Variants in KANSL1L observed in about 807,000 individuals in gnomAD.
KANSL1L encodes the protein KAT8 regulatory NSL complex subunit 1 like.
A neutral mutation model predicts 108.6 loss-of-function variants in KANSL1L; 25 were observed. That is an observed-to-expected ratio of 0.23 (90% CI 0.17 to 0.32). The LOEUF is 0.32. Among genes scored for constraint, KANSL1L ranks in the 10% least tolerant of loss-of-function variants. The probability of loss-of-function intolerance (pLI) is 1.00; values close to 1 mark genes in which losing one functional copy is unlikely to be tolerated. For missense variants in KANSL1L, 1,137 were observed against 1,125.7 expected, an observed-to-expected ratio of 1.01 and a Z score of -0.14; for synonymous variants, 405 against 395.1, an observed-to-expected ratio of 1.03 and a Z score of -0.30.
chr2:210,122,315 A>C (rs532656937), intron 3 of KANSL1L, among the ~76,000 whole-genome samples: 3 of 152,264 alleles, frequency 2.0e-5, no homozygotes, highest in African/African-American at 7.2e-5. Context: ...AAAACGGCAC[A>C]GTACTGGCAT....
chr2:210,119,022 A>G (rs1420601401), intron 3 of KANSL1L, among the ~76,000 whole-genome samples: 1 of 151,858 alleles, frequency 6.6e-6, no homozygotes, highest in Non-Finnish European at 1.5e-5. Context: ...TGTCTCTACT[A>G]AAAATACAAA....
At chr2:210,068,382 G>A (rs1165799043) in intron 6 of KANSL1L, among the ~76,000 whole-genome samples, 1 of 151,854 alleles carries the variant, frequency 6.6e-6, no homozygotes, top group Admixed American at 6.6e-5. Context: ...CACACACAGA[G>A]AATGCAAATC....
intron 1 of KANSL1L, among the ~76,000 whole-genome samples, chr2:210,169,241 G>T (rs1688182346): frequency 6.6e-6 from 1 of 152,134 alleles, no homozygotes; most frequent in South Asian, 2.1e-4. Context: ...AAAGGTTTAT[G>T]TAAAAGGATA....
At chr2:210,142,166 A>C (rs572122879) in intron 2 of KANSL1L, among the ~76,000 whole-genome samples, 4 of 151,698 alleles carry the variant, frequency 2.6e-5, no homozygotes, top group African/African-American at 7.3e-5. Flanking sequence ...GGACTTTATT[A>C]CTGTTTTAAT....
intron 3 of KANSL1L, 78 bp downstream of exon 3, chr2:210,128,953 T>C (rs1051646301): frequency 8.5e-7 from 1 of 1,173,792 alleles, no homozygotes; most frequent in East Asian, 2.5e-5. Flanking sequence ...TTGTAACAAT[T>C]ATTTTTGTGA....
At chr2:210,169,163 A>G (rs949916596) in intron 1 of KANSL1L, among the ~76,000 whole-genome samples, 1 of 152,048 alleles carries the variant, frequency 6.6e-6, no homozygotes, top group South Asian at 2.1e-4. Flanking sequence ...ACACACACAA[A>G]CAAACAACAA....
rs761844798 is a variant in KANSL1L, at chr2:210,024,065, A to G, written c.2701T>C (p.Leu901=). Reference sequence around the variant, plus strand: ...TCTTGACTTTGATTTAAAGAAGGTAAGCCATATGCACACAGATCCTGGTTC... The same window carrying G: ...TCTTGACTTTGATTTAAAGAAGGTAGGCCATATGCACACAGATCCTGGTTC... The part of the protein sequence containing the change: ...SENQDLCAYG[L]PSLNQSQETK... The change falls in exon 14 of 15, where the codon TTA becomes CTA. Residue 901 remains leucine (L), a synonymous_variant. Transcript: ENST00000281772. The G allele has an allele frequency of 6.3e-7, 1 of 1,591,642 alleles. No homozygotes were observed. The highest frequency in any genetic ancestry group is 1.4e-5 in the African/African-American group (1 of 73,794).
intron 8 of KANSL1L, among the ~76,000 whole-genome samples, chr2:210,039,626 T>C (rs1233439203): frequency 2.6e-5 from 4 of 151,880 alleles, no homozygotes; most frequent in African/African-American, 9.7e-5. Context: ...TGTTGTTTTC[T>C]TTCTTCTTCT....
intron 6 of KANSL1L, among the ~76,000 whole-genome samples, chr2:210,070,221 G>GTT (rs2094496811): frequency 1.4e-5 from 1 of 70,650 alleles, no homozygotes; most frequent in Admixed American, 1.7e-4. Context: ...CTCTTTCTCC[G>GTT]TTCTTTTTTT....
chr2:210,122,615 G>T (rs2095031782), intron 3 of KANSL1L, among the ~76,000 whole-genome samples: 2 of 152,080 alleles, frequency 1.3e-5, no homozygotes, highest in South Asian at 2.1e-4. Flanking sequence ...ACATTGGACT[G>T]GGCAAAGATT....
In KANSL1L at chr2:210,153,577, C is replaced by T. The variant is rs1057429294; in HGVS notation, c.1006G>A (p.Glu336Lys). Reference sequence around the variant, plus strand: ...GTTGCATCGGAATCCAAACCCTCTTCAACATGAGACAACAGCCCTGTAGCA... The same window carrying T: ...GTTGCATCGGAATCCAAACCCTCTTTAACATGAGACAACAGCCCTGTAGCA... Reference protein sequence around the residue: ...FSATGLLSHVEEGLDSDATDS... With the variant: ...FSATGLLSHVKEGLDSDATDS... The change falls in exon 2 of 15, where the codon GAA (glutamate) becomes AAA (lysine). Residue 336 changes from glutamate to lysine, a missense_variant. Coordinates refer to ENST00000281772, the MANE Select transcript of KANSL1L (RefSeq NM_152519.4). 1.2e-6 allele frequency: 2 copies of T among 1,614,002 alleles called. No individual in the cohort carries two copies. Among genetic ancestry groups the T allele is most frequent in the African/African-American group, 2.7e-5 (2 of 74,910 alleles).
At chr2:210,116,180 G>T (rs1217081204) in intron 3 of KANSL1L, among the ~76,000 whole-genome samples, 1 of 152,206 alleles carries the variant, frequency 6.6e-6, no homozygotes, top group Non-Finnish European at 1.5e-5. Context: ...GGCAGTGGTG[G>T]CCATGGGAAG....
At chr2:210,032,047 A>T (rs916248309) in intron 8 of KANSL1L, 1 of 152,382 alleles carries the variant, frequency 6.6e-6, no homozygotes, top group African/African-American at 2.4e-5. Flanking sequence ...AGTAGTAAGT[A>T]AAAGTGTCTG....
chr2:210,161,363 T>C (rs905241074), intron 1 of KANSL1L, among the ~76,000 whole-genome samples: 1 of 152,020 alleles, frequency 6.6e-6, no homozygotes, highest in Non-Finnish European at 1.5e-5. Context: ...TCTAAACTAA[T>C]TGGACATCCA....
chr2:210,082,470 A>G (rs974227047), intron 5 of KANSL1L, among the ~76,000 whole-genome samples: 2 of 152,230 alleles, frequency 1.3e-5, no homozygotes, highest in Admixed American at 1.3e-4. Context: ...AAAAGCCAGG[A>G]ATTACTCATA....
At chr2:210,120,358 C>T (rs536987441) in intron 3 of KANSL1L, among the ~76,000 whole-genome samples, 5 of 152,298 alleles carry the variant, frequency 3.3e-5, no homozygotes, top group Non-Finnish European at 4.4e-5. Context: ...CGCCACTGTA[C>T]TCCAGCTTGG....
chr2:210,035,548 C>T (rs2094090223), intron 8 of KANSL1L, among the ~76,000 whole-genome samples: 1 of 152,106 alleles, frequency 6.6e-6, no homozygotes, highest in Non-Finnish European at 1.5e-5. Context: ...GGCGCCATTT[C>T]GGCTCACTAC....
chr2:210,051,796 T>C (rs944393349), intron 6 of KANSL1L, among the ~76,000 whole-genome samples: 2 of 152,012 alleles, frequency 1.3e-5, no homozygotes, highest in African/African-American at 4.8e-5. Flanking sequence ...TGTTTAGGAG[T>C]GGGCTGTTTA....
In KANSL1L at chr2:210,154,020, A is replaced by C. The variant is rs1451525877; in HGVS notation, c.563T>G (p.Ile188Ser). Residue 188 changes from isoleucine to serine, a missense_variant, in exon 2 of 15, where the codon ATT becomes AGT. By Grantham distance (142) the Ile-to-Ser change is moderately radical. This residue lies in a region of KANSL1L where 556 missense variants were observed against 537.7 expected (regional missense o/e 1.03). Transcript: ENST00000281772. ...AGTACAGTGCAATAAACCCTTTTTA[A>C]TCTCAGCATCAGTAACTTTATCCAA... ...ALLDKVTDAE[I>S]KKGLLHCTQK... 1 of 1,613,966 alleles carries C rather than the reference A, an allele frequency of 6.2e-7. No homozygotes were observed. The highest frequency in any genetic ancestry group is 8.5e-7 in the Non-Finnish European group (1 of 1,179,986).
Sources: gnomAD v4.1 joint callset for allele counts (sites outside exome capture counted in the v4.1 genomes callset) on GRCh38, gnomAD v4.1.1 for gene constraint, gnomAD v4.1.1 regional missense constraint, MANE v1.5 for transcripts, NCBI Gene and HGNC (gene_info 2026-07-23, HGNC 2026-07-21) for gene names.